The following EIF2B2 variants were observed in gnomAD, a reference collection of about 807,000 sequenced individuals.
The protein encoded by EIF2B2 is translation initiation factor eIF2B subunit beta.
A neutral mutation model predicts 34.7 loss-of-function variants in EIF2B2; 34 were observed. The ratio of observed to expected loss-of-function variants is 0.98; its 90% confidence interval spans 0.75 to 1.31. The LOEUF (loss-of-function observed/expected upper bound fraction) is 1.31, where lower values mean the gene tolerates loss of function less well. Ranked by LOEUF, EIF2B2 falls within the 50% of genes most tolerant of loss-of-function variation. The pLI, the probability that EIF2B2 is intolerant of heterozygous loss-of-function variation, is 0.00. For synonymous variants in EIF2B2, 155 were observed against 171.6 expected (o/e 0.90, Z 0.76); for missense variants, 361 against 447.7 (o/e 0.81, Z 1.75).
rs187228528 is a variant in EIF2B2, at chr14:75,009,347, G to A, written c.*159G>A. On this transcript the variant is annotated 3_prime_UTR_variant, in exon 8 of 8. Transcript: ENST00000266126. ...TGTTGCCTGCCTTTTTAGTCACCCC[G>A]TAACAAGGGCACACATCCAGGACTG... The A allele has an allele frequency of 5.3e-5, 43 of 808,098 alleles. No homozygotes were observed. Among genetic ancestry groups the A allele is most frequent in the South Asian group, 4.4e-5 (3 of 68,788 alleles). The allele number at this position is 808,098 out of a possible 1,614,324, so 50.1% of individuals were successfully genotyped here.
chr14:75,007,888 C>G (rs1189450321), intron 7 of EIF2B2, 100 bp downstream of exon 7: 1 of 1,146,264 alleles, frequency 8.7e-7, no homozygotes, highest in Non-Finnish European at 1.3e-6. Flanking sequence ...GTCAGTAGAA[C>G]TGAATGCTGT....
Position 75,009,243 on chromosome 14 carries a change from A to C in EIF2B2, c.*55A>C. 4 of 1,604,530 alleles carry C rather than the reference A, an allele frequency of 2.5e-6. No individual in the cohort carries two copies. On this transcript the variant is annotated 3_prime_UTR_variant, in exon 8 of 8. Transcript: ENST00000266126. ...TAGGCAGATACAGAATGAAGAGGAG[A>C]CTTGAGTGTTGCTGCTGAAGCACAT...
At position 75,003,260 on chromosome 14, in the gene EIF2B2, T is replaced by C; in HGVS notation, c.164-15T>C. On this transcript the variant is annotated splice_polypyrimidine_tract_variant and intron_variant, in intron 1 of 7. Transcript: ENST00000266126. ...TCGCGTTGGCTCCTCTTATCCTCTC[T>C]CTTTTGGACTGTAGGGGAGCTGATG... 6.2e-7 allele frequency: 1 copy of C among 1,613,468 alleles called. No individual in the cohort carries two copies. The highest frequency in any genetic ancestry group is 8.5e-7 in the Non-Finnish European group (1 of 1,179,976).
intron 7 of EIF2B2, chr14:75,008,376 T>G (rs1458580662): frequency 5.7e-6 from 1 of 175,728 alleles, no homozygotes; most frequent in African/African-American, 2.4e-5. Flanking sequence ...ACTTCATCCC[T>G]TTATTTAAAT....
At chr14:75,004,611 A>G in intron 3 of EIF2B2, 126 bp from the exon 4 acceptor site, 1 of 302,998 alleles carries the variant, frequency 3.3e-6, no homozygotes, top group South Asian at 1.4e-4. Context: ...GTGCATGTGA[A>G]GGGCAGACAT....
chr14:75,006,777 AACT>A lies in EIF2B2; in HGVS notation c.831+64_831+66del, dbSNP rs1417962754. The stretch of plus-strand genomic sequence containing the variant: ...AGAAGGAAGCCAAAGGGTAGGCTTG[AACT>A]CTGGGACTTCAACCACCTCACTCCA... On this transcript the variant is annotated intron_variant, in intron 6 of 7. Transcript: ENST00000266126. The surrounding 1 kb of genome is among the most constrained non-coding windows in gnomAD (Gnocchi z 4.1). The A allele has an allele frequency of 7.1e-5, 114 of 1,608,040 alleles. 1 individual carries two copies. In the African/African-American group the frequency reaches 1.4e-3, roughly 20 times the overall value.
chr14:75,004,973 C>T, intron 4 of EIF2B2, 73 bp downstream of exon 4: 1 of 1,487,346 alleles, frequency 6.7e-7, no homozygotes. Context: ...ATGGGTAGGG[C>T]CATTCCAACC....
chr14:75,009,339 G>T lies in EIF2B2; in HGVS notation c.*151G>T. On this transcript the variant is annotated 3_prime_UTR_variant, in exon 8 of 8. Coordinates refer to ENST00000266126, the MANE Select transcript of EIF2B2 (RefSeq NM_014239.4). ...CTTGATACTGTTGCCTGCCTTTTTA[G>T]TCACCCCGTAACAAGGGCACACATC... 1.1e-6 allele frequency: 1 copy of T among 895,510 alleles called. No homozygotes were observed. The highest frequency in any genetic ancestry group is 1.4e-5 in the South Asian group (1 of 72,816). The allele number at this position is 895,510 out of a possible 1,614,324, so 55.5% of individuals were successfully genotyped here. A position where few individuals can be genotyped will look rare whatever the true frequency, so the allele number is the denominator to read the frequency against.
rs540428512 is a variant in EIF2B2 at position 75,010,789 on chromosome 14, C to T, written c.*1601C>T. On this transcript the variant is annotated 3_prime_UTR_variant, in exon 8 of 8. Transcript: ENST00000266126. ...TGATCCTGGTGTTAAAAGAATGGGA[C>T]AGATTTGCAAGGAAGTCCATTTGAT... The T allele has an allele frequency of 6.6e-6, 1 of 152,174 alleles. No individual in the cohort carries two copies. Among genetic ancestry groups the T allele is most frequent in the African/African-American group, 2.4e-5 (1 of 41,508 alleles). 9.4% of individuals were successfully genotyped at this position (152,174 alleles called of 1,614,324 possible).
chr14:75,004,954 A>T, intron 4 of EIF2B2, 54 bp downstream of exon 4: 2 of 1,587,544 alleles, frequency 1.3e-6, no homozygotes, highest in Non-Finnish European at 1.7e-6. Context: ...AAGAAGAAAT[A>T]AACGAGAGAT....
rs755232669 is a variant in EIF2B2, at chr14:75,003,608, A to T, written c.342A>T (p.Thr114=). 99 of 1,614,060 alleles carry T rather than the reference A, an allele frequency of 6.1e-5. No homozygotes were observed. The highest frequency in any genetic ancestry group is 7.7e-5 in the Non-Finnish European group (91 of 1,180,040). ...DQQESLHKLL[T]SGGLNEDFSF... ...AGGAGTCCCTGCACAAACTGTTGAC[A>T]TCCGGAGGCCTAAACGAGGATTTCA... Residue 114 remains threonine, a synonymous_variant, in exon 3 of 8, where the codon ACA becomes ACT. Transcript: ENST00000266126.
In EIF2B2 at chr14:75,005,250, G is replaced by T. The variant is rs577643165; in HGVS notation, c.597+350G>T. On this transcript the variant is annotated intron_variant, in intron 4 of 7. Transcript: ENST00000266126. ...AAATTAGCTGGGCGTGGTGGCACAT[G>T]CCTGTAATCCCAGCTACTCTGGAGG... 1.2e-4 allele frequency: 43 copies of T among 346,028 alleles called. 1 individual carries two copies. The highest frequency in any genetic ancestry group is 1.8e-4 in the Non-Finnish European group (32 of 175,766). 21.4% of individuals were successfully genotyped at this position (346,028 alleles called of 1,614,324 possible).
Position 75,006,701 on chromosome 14 carries a change from A to G in EIF2B2, c.818A>G (p.Lys273Arg), listed in dbSNP as rs113994016. 11 of 1,614,170 alleles carry G rather than the reference A, an allele frequency of 6.8e-6. No individual in the cohort carries two copies. In the East Asian group the frequency reaches 1.1e-4, roughly 16 times the overall value. ...CTCATCGTCTGTGCACCTATGTTCA[A>G]ACTTTCTCCACAGGTAAGTGTGTCT... ...TPLIVCAPMFKLSPQFPNEED... is the reference protein window; with the variant it reads ...TPLIVCAPMFRLSPQFPNEED... Residue 273 changes from lysine to arginine, a missense_variant, in exon 6 of 8, where the codon AAA (lysine) becomes AGA (arginine). Physicochemically the swap from Lys to Arg is conservative, Grantham distance 26. Coordinates refer to ENST00000266126, the MANE Select transcript of EIF2B2 (RefSeq NM_014239.4). This position sits in a 1 kb window ranked among gnomAD's most constrained non-coding sequence, Gnocchi z 4.1.
At position 75,004,690 on chromosome 14, in the gene EIF2B2, T is replaced by TATATATATATATATA. The variant is rs764926377; in HGVS notation, c.434-47_434-46insATATATATATATATA. The TATATATATATATATA allele has an allele frequency of 1.1e-4, 10 of 90,578 alleles. No individual in the cohort carries two copies. The African/African-American group carries it at 1.6e-3, about 15-fold the overall frequency. 5.6% of individuals were successfully genotyped at this position (90,578 alleles called of 1,614,324 possible). ...TCATATATATATATATATATATATATTTTTTTTTTTTTTTTTTTTTTTTTT... is the reference window on the plus strand; with the variant it reads ...TCATATATATATATATATATATATATATATATATATATATATTTTTTTTTTTTTTTTTTTTTTTTT... On this transcript the variant is annotated intron_variant, in intron 3 of 7. Coordinates refer to ENST00000266126, the MANE Select transcript of EIF2B2 (RefSeq NM_014239.4).
chr14:75,003,223 C>T lies in EIF2B2; in HGVS notation c.164-52C>T, dbSNP rs1441861496. 4 of 1,613,284 alleles carry T rather than the reference C, an allele frequency of 2.5e-6. No individual in the cohort carries two copies. In the Admixed American group the frequency reaches 6.7e-5, roughly 27 times the overall value. ...TCCCGATCCCAGGGCTGAAAATTTC[C>T]CAGGCCTCACTTCGCGTTGGCTCCT... On this transcript the variant is annotated intron_variant, in intron 1 of 7. Coordinates refer to ENST00000266126, the MANE Select transcript of EIF2B2 (RefSeq NM_014239.4).
chr14:75,003,961 A>C (rs1016401463), intron 3 of EIF2B2, among the ~76,000 whole-genome samples: 6 of 152,172 alleles, frequency 3.9e-5, no homozygotes, highest in African/African-American at 1.4e-4. Context: ...TTTTATTTTC[A>C]TTGTAAAGAA....
chr14:75,008,976 A>C, intron 7 of EIF2B2, 55 bp from the exon 8 acceptor site: 1 of 1,611,274 alleles, frequency 6.2e-7, no homozygotes, highest in Non-Finnish European at 8.5e-7. Context: ...TATGCTACTT[A>C]ATTATGAGAG....
In EIF2B2 at chr14:75,010,114, TC is replaced by T. The variant is rs1325757760; in HGVS notation, c.*927del. On this transcript the variant is annotated 3_prime_UTR_variant, in exon 8 of 8. Coordinates refer to ENST00000266126, the MANE Select transcript of EIF2B2 (RefSeq NM_014239.4). ...AACAGTAGTTCCAAAACCTCGCTGA[TC>T]ATCAGAATCACCTGAGAGTGATTCC... 6.6e-6 allele frequency: 1 copy of T among 152,222 alleles called. No individual in the cohort carries two copies. 9.4% of individuals were successfully genotyped at this position (152,222 alleles called of 1,614,324 possible).
In EIF2B2 at chr14:75,006,480, A is replaced by T; in HGVS notation, c.694-97A>T. ...CTACCAGTCTGTGACCCCTCACGATACCAATTCTGAGGTCTAAGCATTTAG... is the reference window on the plus strand; with the variant it reads ...CTACCAGTCTGTGACCCCTCACGATTCCAATTCTGAGGTCTAAGCATTTAG... On this transcript the variant is annotated intron_variant, in intron 5 of 7. Coordinates refer to ENST00000266126, the MANE Select transcript of EIF2B2 (RefSeq NM_014239.4). The surrounding 1 kb of genome is among the most constrained non-coding windows in gnomAD (Gnocchi z 4.1). 6.4e-7 allele frequency: 1 copy of T among 1,564,250 alleles called. No homozygotes were observed. Among genetic ancestry groups the T allele is most frequent in the Non-Finnish European group, 8.7e-7 (1 of 1,148,366 alleles).
Sources: gnomAD v4.1 joint callset for allele counts (sites outside exome capture counted in the v4.1 genomes callset) on GRCh38, gnomAD v4.1.1 for gene constraint, Gnocchi (gnomAD v3.1) non-coding constraint, MANE v1.5 for transcripts, NCBI Gene and HGNC (gene_info 2026-07-23, HGNC 2026-07-21) for gene names.